Variants in WDPCP observed in about 807,000 individuals in gnomAD.
WDPCP encodes WD repeat containing planar cell polarity effector, also known as WD repeat-containing and planar cell polarity effector protein fritz homolog.
WDPCP carries 71 observed loss-of-function variants against 93.1 expected under a neutral mutation model. The observed-to-expected ratio is 0.76, with a 90% CI of 0.63 to 0.93. The LOEUF is 0.93. Among genes scored for constraint, WDPCP ranks in the 40% least tolerant of loss-of-function variants. The pLI is 0.00. For missense variants in WDPCP, 844 were observed against 887.4 expected (o/e 0.95, Z 0.62); for synonymous variants, 315 against 315.0 (o/e 1.00, Z 0.00).
intron 14 of WDPCP, among the ~76,000 whole-genome samples, chr2:63,178,313 T>C (rs1057428533): frequency 6.6e-6 from 1 of 152,192 alleles, no homozygotes; most frequent in Non-Finnish European, 1.5e-5. Flanking sequence ...TTTGCTGGAA[T>C]ATTCTAATGA....
chr2:63,390,116 C>T (rs1380744250), intron 10 of WDPCP, among the ~76,000 whole-genome samples: 3 of 152,186 alleles, frequency 2.0e-5, no homozygotes, highest in Non-Finnish European at 4.4e-5. Context: ...CCACATTGCA[C>T]TTATTCTAAA....
chr2:63,602,347 G>GTTTTTTTTTTTT (rs144884000), intron 3 of WDPCP, among the ~76,000 whole-genome samples: 5 of 104,004 alleles, frequency 4.8e-5, no homozygotes, highest in African/African-American at 7.3e-5. Context: ...GTTGGTTGGG[G>GTTTTTTTTTTTT]TTTTTTTTTT....
At chr2:63,660,939 C>G (rs1710219685) in intron 2 of WDPCP, among the ~76,000 whole-genome samples, 1 of 152,080 alleles carries the variant, frequency 6.6e-6, no homozygotes, top group Admixed American at 6.5e-5. Context: ...AATTTAACTC[C>G]ATTTAGTGGA....
intron 12 of WDPCP, among the ~76,000 whole-genome samples, chr2:63,352,708 G>A (rs1437525943): frequency 6.6e-6 from 1 of 152,174 alleles, no homozygotes; most frequent in Non-Finnish European, 1.5e-5. Context: ...AAAGGCAGCT[G>A]TTGAGCATAT....
chr2:63,303,661 G>A (rs1264733242), intron 13 of WDPCP, among the ~76,000 whole-genome samples: 1 of 152,196 alleles, frequency 6.6e-6, no homozygotes, highest in Non-Finnish European at 1.5e-5. Context: ...GTGGGGCTAA[G>A]TAAAGATACC....
intron 2 of WDPCP, among the ~76,000 whole-genome samples, chr2:63,794,804 T>C (rs1262948092): frequency 1.3e-5 from 2 of 152,236 alleles, no homozygotes; most frequent in African/African-American, 4.8e-5. Flanking sequence ...CCATCTTTGC[T>C]TCCAATCAGG....
intron 10 of WDPCP, among the ~76,000 whole-genome samples, chr2:63,384,757 A>C (rs1692594410): frequency 1.3e-5 from 2 of 151,966 alleles, no homozygotes; most frequent in Admixed American, 1.3e-4. Context: ...AAAAAAATTA[A>C]CAAAAGAAGA....
chr2:63,157,439 C>A (rs1672338877), intron 15 of WDPCP, among the ~76,000 whole-genome samples: 1 of 151,922 alleles, frequency 6.6e-6, no homozygotes, highest in Non-Finnish European at 1.5e-5. Context: ...CTCATATTTT[C>A]TGAAAGAAAT....
chr2:63,714,338 G>C (rs1423253706), intron 2 of WDPCP, among the ~76,000 whole-genome samples: 1 of 151,952 alleles, frequency 6.6e-6, no homozygotes, highest in Non-Finnish European at 1.5e-5. Flanking sequence ...AAAGTGCTGG[G>C]ATTACAGGCT....
At chr2:63,190,458 G>A (rs1674961486) in intron 14 of WDPCP, among the ~76,000 whole-genome samples, 3 of 150,520 alleles carry the variant, frequency 2.0e-5, no homozygotes, top group South Asian at 4.2e-4. Context: ...AAAAGTAGAG[G>A]AGAAAAGTTT....
At chr2:63,610,884 C>G (rs1347511554) in intron 3 of WDPCP, among the ~76,000 whole-genome samples, 1 of 152,142 alleles carries the variant, frequency 6.6e-6, no homozygotes, top group Non-Finnish European at 1.5e-5. Flanking sequence ...GCTTTGAGCT[C>G]AGGAGTTCGA....
intron 14 of WDPCP, among the ~76,000 whole-genome samples, chr2:63,231,405 T>G (rs1337316480): frequency 6.6e-6 from 1 of 152,200 alleles, no homozygotes; most frequent in African/African-American, 2.4e-5. Flanking sequence ...TGTTTGCAGA[T>G]GACATGATTA....
chr2:63,560,177 C>T (rs560301615), intron 1 of WDPCP, among the ~76,000 whole-genome samples: 3 of 152,078 alleles, frequency 2.0e-5, no homozygotes, highest in East Asian at 1.9e-4. Context: ...GAGCCAAGAT[C>T]GCACCATTTC....
intron 2 of WDPCP, among the ~76,000 whole-genome samples, chr2:63,709,325 A>T (rs1485699587): frequency 1.3e-5 from 2 of 151,994 alleles, no homozygotes; most frequent in Admixed American, 6.5e-5. Context: ...GAAAAAAAGA[A>T]TGGAAAATTT....
At chr2:63,609,487 C>A (rs1709592583) in intron 3 of WDPCP, among the ~76,000 whole-genome samples, 2 of 152,130 alleles carry the variant, frequency 1.3e-5, no homozygotes, top group Admixed American at 1.3e-4. Flanking sequence ...TCTATCATTA[C>A]CTTCTATCCA....
intron 2 of WDPCP, among the ~76,000 whole-genome samples, chr2:63,687,749 GTACAATCA>G (rs2103656826): frequency 6.6e-6 from 1 of 152,162 alleles, no homozygotes; most frequent in East Asian, 1.9e-4. Context: ...ATGTAAATTA[GTACAATCA>G]CTATGGAGAA....
chr2:63,569,779 A>G (rs1707346607), intron 1 of WDPCP, among the ~76,000 whole-genome samples: 1 of 152,190 alleles, frequency 6.6e-6, no homozygotes, highest in Non-Finnish European at 1.5e-5. Flanking sequence ...AATTTGCTGT[A>G]TCCTGGTAGA....
intron 12 of WDPCP, among the ~76,000 whole-genome samples, chr2:63,336,113 A>T (rs1688347494): frequency 6.6e-6 from 1 of 152,204 alleles, no homozygotes; most frequent in Non-Finnish European, 1.5e-5. Flanking sequence ...TGCTCTATAG[A>T]GTAGCCATTC....
At chr2:63,804,301 A>G (rs1231954153) in intron 2 of WDPCP, among the ~76,000 whole-genome samples, 1 of 146,064 alleles carries the variant, frequency 6.8e-6, no homozygotes, top group Non-Finnish European at 1.5e-5. Flanking sequence ...CCCAGGCTGG[A>G]GTGCAGTGGC....
Sources: allele counts gnomAD v4.1 joint callset (sites outside exome capture counted in the v4.1 genomes callset), GRCh38; gene constraint gnomAD v4.1.1; transcripts MANE v1.5; gene names NCBI Gene and HGNC (gene_info 2026-07-23, HGNC 2026-07-21).